LDLRAD1: variants seen among roughly 807,000 people sequenced by gnomAD.
LDLRAD1 encodes the protein low density lipoprotein receptor class A domain containing 1.
Under a neutral mutation model 24.8 loss-of-function variants are expected in LDLRAD1, and 17 were observed. The observed-to-expected ratio is 0.69, with a 90% CI of 0.47 to 1.03. The LOEUF is 1.03. LDLRAD1 is among the 50% of genes least tolerant of loss of function. LDLRAD1 has a pLI of 0.00. For synonymous variants in LDLRAD1, 103 were observed against 108.2 expected (o/e 0.95, Z 0.30); for missense variants, 277 against 271.0 (o/e 1.02, Z -0.16).
rs1655897293 is a variant in LDLRAD1 at position 54,008,351 on chromosome 1, T to A, written c.*631A>T. 6.6e-6 allele frequency: 1 copy of A among 152,210 alleles called. No individual in the cohort carries two copies. Among genetic ancestry groups the A allele is most frequent in the Admixed American group, 6.5e-5 (1 of 15,288 alleles). 9.4% of individuals were successfully genotyped at this position (152,210 alleles called of 1,614,324 possible). ...TACCAAAGGGGTAGGAAGTGGCATA[T>A]GTTTCACGTATGTGCCATCCATGAA... is the stretch of plus-strand genomic sequence containing the variant. On this transcript the variant is annotated 3_prime_UTR_variant, in exon 6 of 6. Coordinates refer to ENST00000371360, the MANE Select transcript of LDLRAD1 (RefSeq NM_001010978.4).
rs1656390979 is a variant in LDLRAD1 at position 54,018,103 on chromosome 1, C to T, written c.10G>A (p.Val4Ile). The T allele has an allele frequency of 3.1e-6, 5 of 1,613,804 alleles. No homozygotes were observed. Among genetic ancestry groups the T allele is most frequent in the African/African-American group, 1.3e-5 (1 of 75,028 alleles). The change falls in exon 1 of 6, where the codon GTC becomes ATC. Residue 4 changes from valine to isoleucine, a missense_variant. By Grantham distance (29) the Val-to-Ile change is conservative. Transcript: ENST00000371360. MNKVFPQGENGYTA... is the reference protein window; with the variant it reads MNKIFPQGENGYTA... ...GGGACAGCTCTCACCTGGGGGAAGA[C>T]CTTGTTCATGTCTTCGGTTTCCTGC...
At chr1:54,009,710 C>G (rs1655967193) in intron 5 of LDLRAD1, among the ~76,000 whole-genome samples, 1 of 152,118 alleles carries the variant, frequency 6.6e-6, no homozygotes, top group Non-Finnish European at 1.5e-5. Flanking sequence ...GAATCTGATA[C>G]CAGGTGCGTT....
chr1:54,010,507 A>C (rs1656006899), intron 4 of LDLRAD1, 97 bp from the exon 5 acceptor site: 1 of 1,294,328 alleles, frequency 7.7e-7, no homozygotes, highest in Non-Finnish European at 1.1e-6. Flanking sequence ...CAGTGGCCAA[A>C]CTCAGGATCA....
chr1:54,014,818 C>A (rs558474190), intron 2 of LDLRAD1, among the ~76,000 whole-genome samples: 19 of 152,310 alleles, frequency 1.2e-4, no homozygotes, highest in African/African-American at 4.3e-4. Context: ...GTGGAGCTGG[C>A]GTGTGAATCC....
rs749770213 is a variant in LDLRAD1 at position 54,010,320 on chromosome 1, G to A, written c.431C>T (p.Thr144Ile). ...ATCTGAACAGTCCCCGCAGTTGTTA[G>A]TGCCATCACATTTTTGGTCTGAGTA... is the stretch of plus-strand genomic sequence containing the variant. ...WIYSDQKCDG[T>I]NNCGDCSDEL... The change falls in exon 5 of 6, where the codon ACT (threonine) becomes ATT (isoleucine). Residue 144 changes from threonine (T) to isoleucine (I), a missense_variant. Coordinates refer to ENST00000371360, the MANE Select transcript of LDLRAD1 (RefSeq NM_001010978.4). The A allele has an allele frequency of 2.3e-5, 37 of 1,613,944 alleles. No individual in the cohort carries two copies. Among genetic ancestry groups the A allele is most frequent in the Admixed American group, 1.2e-4 (7 of 59,986 alleles).
At chr1:54,012,055 G>T in intron 4 of LDLRAD1, 88 bp downstream of exon 4, 1 of 1,506,166 alleles carries the variant, frequency 6.6e-7, no homozygotes, top group South Asian at 1.2e-5. Flanking sequence ...ATGGGGACTT[G>T]AAGGTGCCTG....
In LDLRAD1 at chr1:54,007,550, C is replaced by T. The variant is rs990641644; in HGVS notation, c.*1432G>A. ...CTCAATCTCCCAGGCTCAAACGATC[C>T]TCCCATCTTAGCTTTCTGAGTGGCT... is the stretch of plus-strand genomic sequence containing the variant. On this transcript the variant is annotated 3_prime_UTR_variant, in exon 6 of 6. Coordinates refer to ENST00000371360, the MANE Select transcript of LDLRAD1 (RefSeq NM_001010978.4). The T allele has an allele frequency of 1.3e-5, 2 of 152,162 alleles. No homozygotes were observed. The highest frequency in any genetic ancestry group is 2.9e-5 in the Non-Finnish European group (2 of 68,052). The allele number at this position is 152,162 out of a possible 1,614,324, so 9.4% of individuals were successfully genotyped here.
In LDLRAD1 at chr1:54,012,123, A is replaced by T. The variant is rs1656079277; in HGVS notation, c.340+20T>A. 1 of 1,612,634 alleles carries T rather than the reference A, an allele frequency of 6.2e-7. No individual in the cohort carries two copies. Reference sequence around the variant, plus strand: ...GTGTGGGGGAACCCCTGGGAGGGGCAGCACCGAGCGGGTACTCACGGCACA... The same window carrying T: ...GTGTGGGGGAACCCCTGGGAGGGGCTGCACCGAGCGGGTACTCACGGCACA... On this transcript the variant is annotated intron_variant, in intron 4 of 5. Transcript: ENST00000371360.
chr1:54,015,027 TGA>T (rs1254250731), intron 2 of LDLRAD1, among the ~76,000 whole-genome samples: 2 of 152,212 alleles, frequency 1.3e-5, no homozygotes, highest in East Asian at 3.8e-4. Context: ...TAGACTTTGT[TGA>T]GAGGATTAGA....
At chr1:54,009,212 C>T in intron 5 of LDLRAD1, 82 bp from the exon 6 acceptor site, 1 of 1,336,590 alleles carries the variant, frequency 7.5e-7, no homozygotes, top group Non-Finnish European at 1.1e-6. Flanking sequence ...AGTTCTGAAA[C>T]CTGCCGTAGC....
At position 54,007,977 on chromosome 1, in the gene LDLRAD1, G is replaced by A. The variant is rs922952398; in HGVS notation, c.*1005C>T. The A allele has an allele frequency of 1.3e-5, 2 of 152,254 alleles. No individual in the cohort carries two copies. Among genetic ancestry groups the A allele is most frequent in the African/African-American group, 4.8e-5 (2 of 41,436 alleles). 9.4% of individuals were successfully genotyped at this position (152,254 alleles called of 1,614,324 possible). On this transcript the variant is annotated 3_prime_UTR_variant, in exon 6 of 6. Coordinates refer to ENST00000371360, the MANE Select transcript of LDLRAD1 (RefSeq NM_001010978.4). The stretch of plus-strand genomic sequence containing the variant: ...TGCCTGGGTGGTGTGAAGCTGGAAA[G>A]ATAAGCACAGAAGCAGCTCATTCAG...
intron 2 of LDLRAD1, 81 bp from the exon 3 acceptor site, chr1:54,014,445 C>G (rs1450840026): frequency 7.4e-7 from 1 of 1,344,042 alleles, no homozygotes; most frequent in African/African-American, 1.4e-5. Flanking sequence ...CTCCGCCCTG[C>G]CCGCTGCAAG....
intron 1 of LDLRAD1, among the ~76,000 whole-genome samples, chr1:54,017,827 T>C (rs1557665382): frequency 6.6e-6 from 1 of 151,916 alleles, no homozygotes; most frequent in African/African-American, 2.4e-5. Context: ...ATTGGTAGGG[T>C]CCCCTACACC....
In LDLRAD1 at chr1:54,013,524, C is replaced by T. The variant is rs531484398; in HGVS notation, c.202+712G>A. On this transcript the variant is annotated intron_variant, in intron 3 of 5. Coordinates refer to ENST00000371360, the MANE Select transcript of LDLRAD1 (RefSeq NM_001010978.4). ...GGTGCAGCCTGTGAGGCCCTTGGCA[C>T]TGGGCCCCACTTGTCACTCCAGCCC... 2.1e-4 allele frequency among the ~76,000 whole-genome samples: 32 copies of T among 151,740 alleles called. No individual in the cohort carries two copies. In the South Asian group the frequency reaches 5.7e-3, roughly 27 times the overall value.
intron 5 of LDLRAD1, 38 bp from the exon 6 acceptor site, chr1:54,009,168 G>A: frequency 1.2e-6 from 2 of 1,604,798 alleles, no homozygotes; most frequent in Non-Finnish European, 8.5e-7. Flanking sequence ...CAGTTGCTGT[G>A]TCCTGGAACG....
At chr1:54,016,155 G>A (rs1357492759) in intron 2 of LDLRAD1, among the ~76,000 whole-genome samples, 3 of 152,120 alleles carry the variant, frequency 2.0e-5, no homozygotes, top group African/African-American at 7.2e-5. Context: ...CGTGGCAGGA[G>A]TAAAGGCCCA....
At chr1:54,016,348 G>A (rs1656303681) in intron 2 of LDLRAD1, among the ~76,000 whole-genome samples, 1 of 152,192 alleles carries the variant, frequency 6.6e-6, no homozygotes, top group African/African-American at 2.4e-5. Flanking sequence ...CAGGGAGGCA[G>A]CGTGACTCTG....
Position 54,009,050 on chromosome 1 carries a change from G to A in LDLRAD1, c.550C>T (p.His184Tyr). ...TGCTGTACATGGTCGCGGCAGAGAT[G>A]CCTCGGTATACAGTCGCAGTACTTG... ...FFKYCDCIPRHLCRDHVQHCS... is the reference protein window; with the variant it reads ...FFKYCDCIPRYLCRDHVQHCS... The change falls in exon 6 of 6, where the codon CAT (histidine) becomes TAT (tyrosine). Residue 184 changes from histidine (H) to tyrosine (Y), a missense_variant. Transcript: ENST00000371360. 3 of 1,614,010 alleles carry A rather than the reference G, an allele frequency of 1.9e-6. No homozygotes were observed. Among genetic ancestry groups the A allele is most frequent in the Non-Finnish European group, 2.5e-6 (3 of 1,179,968 alleles).
In LDLRAD1 at chr1:54,008,788, G is replaced by T; in HGVS notation, c.*194C>A. 1.8e-6 allele frequency: 1 copy of T among 551,224 alleles called. No homozygotes were observed. The highest frequency in any genetic ancestry group is 3.2e-6 in the Non-Finnish European group (1 of 311,744). The allele number at this position is 551,224 out of a possible 1,614,324, so 34.1% of individuals were successfully genotyped here. A position where few individuals can be genotyped will look rare whatever the true frequency, so the allele number is the denominator to read the frequency against. ...TAGAAGCCACCTAACATGGTAATGA[G>T]CTCCTGGTCATTGGAAGCATTCAAG... On this transcript the variant is annotated 3_prime_UTR_variant, in exon 6 of 6. Coordinates refer to ENST00000371360, the MANE Select transcript of LDLRAD1 (RefSeq NM_001010978.4).
Sources: gnomAD v4.1 joint callset for allele counts (sites outside exome capture counted in the v4.1 genomes callset) on GRCh38, gnomAD v4.1.1 for gene constraint, MANE v1.5 for transcripts, NCBI Gene and HGNC (gene_info 2026-07-23, HGNC 2026-07-21) for gene names.